Variants in ENTREP1 observed in about 807,000 individuals in gnomAD.
ENTREP1 encodes endosomal transmembrane epsin interactor 1, also known as Friedreich ataxia region gene X123.
chr9:69,362,014 T>A, the ENTREP1 span, among the ~76,000 whole-genome samples: 15 of 152,296 alleles, frequency 9.8e-5, no homozygotes. Flanking sequence ...TAGAGCTAAA[T>A]ACTTATGCTC....
the ENTREP1 span, among the ~76,000 whole-genome samples, chr9:69,335,834 A>AGTCCTGACGTGCGCCTGTAGTCCTGACG: frequency 8.8e-5 from 13 of 147,096 alleles, no homozygotes; most frequent in Non-Finnish European, 1.9e-4. Context: ...GTGTGGTGAC[A>AGTCCTGACGTGCGCCTGTAGTCCTGACG]TGCGCCTGTA....
chr9:69,324,935 A>G, the ENTREP1 span: 1 of 984,622 alleles, frequency 1.0e-6, no homozygotes, highest in Non-Finnish European at 1.2e-6. Flanking sequence ...ACCTCGAGGG[A>G]CTTACTTAAA....
At chr9:69,377,613 T>A in the ENTREP1 span, 2 of 1,614,002 alleles carry the variant, frequency 1.2e-6, no homozygotes, top group Non-Finnish European at 8.5e-7. Context: ...TTAATCAGGA[T>A]GAATCCCAGA....
the ENTREP1 span, chr9:69,377,525 C>A: frequency 1.2e-6 from 2 of 1,607,280 alleles, no homozygotes; most frequent in Non-Finnish European, 1.7e-6. Context: ...TGAGCCAGCC[C>A]ATGGACCCCT....
the ENTREP1 span, among the ~76,000 whole-genome samples, chr9:69,363,891 A>C: frequency 6.6e-6 from 1 of 152,224 alleles, no homozygotes; most frequent in African/African-American, 2.4e-5. Context: ...GAGATGCCCC[A>C]CACACAGATG....
At chr9:69,341,484 ATT>A in the ENTREP1 span, among the ~76,000 whole-genome samples, 77 of 150,850 alleles carry the variant, frequency 5.1e-4, 1 homozygote, top group South Asian at 8.4e-4. Context: ...GATATGCTTA[ATT>A]TTTTTTTTTT....
chr9:69,375,824 T>C, the ENTREP1 span: 1 of 1,614,174 alleles, frequency 6.2e-7, no homozygotes, highest in Middle Eastern at 1.7e-4. Context: ...TTGAAACTCT[T>C]TCCGGTTCAG....
chr9:69,375,827 C>A, the ENTREP1 span: 7 of 1,613,956 alleles, frequency 4.3e-6, no homozygotes, highest in Non-Finnish European at 5.9e-6. Context: ...AAACTCTTTC[C>A]GGTTCAGCCC....
chr9:69,369,352 A>C, the ENTREP1 span, among the ~76,000 whole-genome samples: 1 of 152,098 alleles, frequency 6.6e-6, no homozygotes, highest in Non-Finnish European at 1.5e-5. Context: ...ATACCCAGTA[A>C]TGGGATTGCT....
At chr9:69,377,560 C>T in the ENTREP1 span, 1 of 1,612,380 alleles carries the variant, frequency 6.2e-7, no homozygotes, top group Non-Finnish European at 8.5e-7. Flanking sequence ...GCCTCTCTCC[C>T]CGTGCCTTTG....
the ENTREP1 span, chr9:69,391,558 T>C: frequency 6.4e-7 from 1 of 1,570,034 alleles, no homozygotes; most frequent in Admixed American, 1.7e-5. Flanking sequence ...CCACATCTGG[T>C]AAAGCTTACT....
At chr9:69,343,969 A>G in the ENTREP1 span, among the ~76,000 whole-genome samples, 1 of 152,236 alleles carries the variant, frequency 6.6e-6, no homozygotes, top group African/African-American at 2.4e-5. Context: ...AAAGTGCATT[A>G]TAGACTATTT....
the ENTREP1 span, chr9:69,392,054 G>A: frequency 1.8e-6 from 1 of 541,452 alleles, no homozygotes. Context: ...TCCTCTGCTG[G>A]GCCTCGCAGC....
the ENTREP1 span, among the ~76,000 whole-genome samples, chr9:69,347,559 A>T: frequency 6.6e-6 from 1 of 152,208 alleles, no homozygotes; most frequent in Non-Finnish European, 1.5e-5. Context: ...CAGAGAGAGA[A>T]GCTTACATTC....
the ENTREP1 span, among the ~76,000 whole-genome samples, chr9:69,326,216 TA>T: frequency 6.6e-6 from 1 of 152,108 alleles, no homozygotes; most frequent in African/African-American, 2.4e-5. Context: ...TATTCTGCAT[TA>T]AGACACACGT....
chr9:69,370,024 T>C, the ENTREP1 span, among the ~76,000 whole-genome samples: 4 of 152,310 alleles, frequency 2.6e-5, no homozygotes, highest in East Asian at 1.9e-4. Flanking sequence ...TTTTCCTAAC[T>C]GTGTCCTTCA....
chr9:69,378,997 C>T, the ENTREP1 span, among the ~76,000 whole-genome samples: 1 of 151,598 alleles, frequency 6.6e-6, no homozygotes, highest in African/African-American at 2.4e-5. Flanking sequence ...GAGATGGCTT[C>T]CTGGATGAAG....
chr9:69,377,488 G>A, the ENTREP1 span: 4 of 1,611,272 alleles, frequency 2.5e-6, no homozygotes, highest in African/African-American at 4.0e-5. Context: ...GTAAGTCTAT[G>A]CAAGGGCATC....
chr9:69,386,648 G>A, the ENTREP1 span: 1 of 152,174 alleles, frequency 6.6e-6, no homozygotes, highest in Admixed American at 6.5e-5. Flanking sequence ...AAGTAGTCTA[G>A]CAGAGTTGAC....
Sources: allele counts gnomAD v4.1 joint callset (sites outside exome capture counted in the v4.1 genomes callset), GRCh38; gene constraint gnomAD v4.1.1; transcripts MANE v1.5; gene names NCBI Gene and HGNC (gene_info 2026-07-23, HGNC 2026-07-21).